Variants in USF2 observed in about 807,000 individuals in gnomAD.
USF2 encodes upstream stimulatory factor 2.
In USF2, 16 loss-of-function variants were observed where a neutral mutation model predicts 46.9. That is an observed-to-expected ratio of 0.34 (90% confidence interval 0.23 to 0.52). USF2 has a LOEUF of 0.52. Ranked by LOEUF, USF2 falls within the 20% of genes least tolerant of loss-of-function variation. The pLI is 0.96. For synonymous variants in USF2, 239 were observed against 194.1 expected (o/e 1.23, Z -1.92); for missense variants, 411 against 474.0 (o/e 0.87, Z 1.23).
chr19:35,272,612 C>T (rs2145574681), intron 7 of USF2, among the ~76,000 whole-genome samples: 1 of 152,178 alleles, frequency 6.6e-6, no homozygotes, highest in South Asian at 2.1e-4. Flanking sequence ...GCTGTCTGGG[C>T]TCCTGTGGTT....
intron 1 of USF2, 87 bp from the exon 2 acceptor site, chr19:35,269,359 G>C: frequency 8.9e-7 from 1 of 1,126,722 alleles, no homozygotes; most frequent in Non-Finnish European, 1.1e-6. Flanking sequence ...GCGCGGCCGG[G>C]TGGGACTGGG....
intron 7 of USF2, among the ~76,000 whole-genome samples, chr19:35,273,378 C>T (rs111674856): frequency 3.3e-4 from 51 of 152,294 alleles, no homozygotes; most frequent in African/African-American, 1.1e-3. Context: ...TTCCTTTCTC[C>T]TCCATCCTCT....
At chr19:35,270,269 C>A in intron 4 of USF2, 178 bp from the exon 5 acceptor site, 3 of 1,007,680 alleles carry the variant, frequency 3.0e-6, no homozygotes, top group Non-Finnish European at 4.2e-6. Context: ...AGCAAGTGAT[C>A]GCTGACCTCC....
chr19:35,279,488 C>T lies in USF2; in HGVS notation c.*232C>T. 2.0e-6 allele frequency: 1 copy of T among 510,268 alleles called. No individual in the cohort carries two copies. The highest frequency in any genetic ancestry group is 3.5e-5 in the East Asian group (1 of 28,940). The allele number at this position is 510,268 out of a possible 1,614,324, so 31.6% of individuals were successfully genotyped here. ...CCATCCGTCTGTCTGTCGCCCTTCT[C>T]CCGGCCCTCACTAAGCCCCGGCACT... On this transcript the variant is annotated 3_prime_UTR_variant, in exon 10 of 10. Transcript: ENST00000222305.
At chr19:35,276,328 G>A (rs563305611) in intron 7 of USF2, among the ~76,000 whole-genome samples, 2 of 152,240 alleles carry the variant, frequency 1.3e-5, no homozygotes, top group South Asian at 4.1e-4. Context: ...CTCCCAAAGT[G>A]CTGGGATTAC....
intron 3 of USF2, 32 bp from the exon 4 acceptor site, chr19:35,269,771 C>A: frequency 1.3e-6 from 2 of 1,488,432 alleles, no homozygotes; most frequent in Non-Finnish European, 1.8e-6. Flanking sequence ...CTGGCCCCAG[C>A]GCCGGCCTCG....
At position 35,269,880 on chromosome 19, in the gene USF2, G is replaced by C. The variant is rs2066122517; in HGVS notation, c.306G>C (p.Val102=). 1 of 1,413,076 alleles carries C rather than the reference G, an allele frequency of 7.1e-7. No individual in the cohort carries two copies. The highest frequency in any genetic ancestry group is 9.2e-7 in the Non-Finnish European group (1 of 1,092,044). The allele number at this position is 1,413,076 out of a possible 1,614,324, so 87.5% of individuals were successfully genotyped here. ...ACACAGCTGGCGCCGTCAGCGTCGT[G>C]TCCACCGCTGCCTTCGCGGGGGGGC... is the stretch of plus-strand genomic sequence containing the variant. The part of the protein sequence containing the change: ...QGDTAGAVSV[V]STAAFAGGQQ... Residue 102 remains valine, a synonymous_variant, in exon 4 of 10, where the codon GTG becomes GTC. Coordinates refer to ENST00000222305, the MANE Select transcript of USF2 (RefSeq NM_003367.4).
chr19:35,270,924 C>T lies in USF2; in HGVS notation c.668+119C>T, dbSNP rs796746983. 2.8e-6 allele frequency: 4 copies of T among 1,436,756 alleles called. No homozygotes were observed. The African/African-American group carries it at 5.7e-5, about 20-fold the overall frequency. 89.0% of individuals were successfully genotyped at this position (1,436,756 alleles called of 1,614,324 possible). On this transcript the variant is annotated intron_variant, in intron 6 of 9. Transcript: ENST00000222305. ...CATGGTGTAATGTTTTTTTTCTTTG[C>T]CTGTTTCTGCTGCTCTAGTGCACAT...
In USF2 at chr19:35,279,536, A is replaced by G. The variant is rs2066282329; in HGVS notation, c.*280A>G. The G allele has an allele frequency of 2.4e-6, 1 of 408,684 alleles. No homozygotes were observed. Among genetic ancestry groups the G allele is most frequent in the Admixed American group, 4.4e-5 (1 of 22,954 alleles). 25.3% of individuals were successfully genotyped at this position (408,684 alleles called of 1,614,324 possible). Reference sequence around the variant, plus strand: ...ACTTCTAGTGGTCTCACCTGGAGGCAAGAGGGAGGGGACAGAGGCCCTGCC... The same window carrying G: ...ACTTCTAGTGGTCTCACCTGGAGGCGAGAGGGAGGGGACAGAGGCCCTGCC... On this transcript the variant is annotated 3_prime_UTR_variant, in exon 10 of 10. Transcript: ENST00000222305.
At chr19:35,278,550 G>T in intron 7 of USF2, 148 bp from the exon 8 acceptor site, 1 of 775,074 alleles carries the variant, frequency 1.3e-6, no homozygotes, top group Non-Finnish European at 2.1e-6. Flanking sequence ...GCTGGGCTCA[G>T]GGTGCGGCCC....
At chr19:35,274,818 G>T (rs1599629965) in intron 7 of USF2, among the ~76,000 whole-genome samples, 1 of 152,188 alleles carries the variant, frequency 6.6e-6, no homozygotes, top group Admixed American at 6.5e-5. Context: ...AGGAAAGGTT[G>T]TGGGGGGCCC....
intron 7 of USF2, among the ~76,000 whole-genome samples, chr19:35,272,629 C>T (rs1306782817): frequency 6.6e-6 from 1 of 151,830 alleles, no homozygotes; most frequent in African/African-American, 2.4e-5. Context: ...GGTTTTATTC[C>T]AGGGTGATGA....
chr19:35,278,834 C>A, intron 8 of USF2, 42 bp downstream of exon 8: 2 of 1,612,228 alleles, frequency 1.2e-6, no homozygotes, highest in Non-Finnish European at 1.7e-6. Context: ...GGTCCCGGCC[C>A]CCGACCCTTG....
intron 7 of USF2, among the ~76,000 whole-genome samples, chr19:35,273,723 A>AT (rs143712222): frequency 0.024 from 3,562 of 151,530 alleles, 138 homozygotes; most frequent in East Asian, 0.15. Context: ...ACATGGGGTA[A>AT]TTTTTTTTTA....
intron 4 of USF2, 130 bp downstream of exon 4, chr19:35,270,133 T>C (rs1374143267): frequency 3.6e-6 from 4 of 1,104,336 alleles, no homozygotes; most frequent in Admixed American, 3.8e-5. Context: ...TCAGGCTGCA[T>C]GGGGCCAGAT....
In USF2 at chr19:35,278,685, C is replaced by T. The variant is rs759451571; in HGVS notation, c.728-13C>T. ...CGTCAGCGAAGCCGTGGCTGTGACT[C>T]TGTTTTCCGCAGTGGAGCGGAGGCG... On this transcript the variant is annotated splice_polypyrimidine_tract_variant and intron_variant, in intron 7 of 9. Transcript: ENST00000222305. 1.2e-6 allele frequency: 2 copies of T among 1,613,896 alleles called. No individual in the cohort carries two copies. Among genetic ancestry groups the T allele is most frequent in the African/African-American group, 2.7e-5 (2 of 74,924 alleles).
chr19:35,273,785 G>T (rs1434057083), intron 7 of USF2, among the ~76,000 whole-genome samples: 8 of 152,092 alleles, frequency 5.3e-5, no homozygotes, highest in Non-Finnish European at 1.5e-5. Context: ...TGAACTTCTG[G>T]CCTCAGGCAG....
At position 35,269,975 on chromosome 19, in the gene USF2, C is replaced by T. The variant is rs1410959742; in HGVS notation, c.401C>T (p.Pro134Leu). ...QRPGPAAASV[P>L]PGPAAPFPLA... ...CCGGGCCCCGCCGCTGCCTCTGTGC[C>T]CCCAGGTCCTGCAGCGCCCTTCCCG... is the stretch of plus-strand genomic sequence containing the variant. The change falls in exon 4 of 10, where the codon CCC becomes CTC. Residue 134 changes from proline to leucine, a missense_variant. Coordinates refer to ENST00000222305, the MANE Select transcript of USF2 (RefSeq NM_003367.4). 4 of 1,343,380 alleles carry T rather than the reference C, an allele frequency of 3.0e-6. No individual in the cohort carries two copies. The African/African-American group carries it at 6.2e-5, about 21-fold the overall frequency. The allele number at this position is 1,343,380 out of a possible 1,614,324, so 83.2% of individuals were successfully genotyped here.
intron 7 of USF2, among the ~76,000 whole-genome samples, chr19:35,274,483 C>T (rs1568459828): frequency 6.6e-6 from 1 of 152,178 alleles, no homozygotes; most frequent in Non-Finnish European, 1.5e-5. Context: ...GAGGGAGGTG[C>T]ACTTGGCATC....
Sources: gnomAD v4.1 joint callset for allele counts (sites outside exome capture counted in the v4.1 genomes callset) on GRCh38, gnomAD v4.1.1 for gene constraint, MANE v1.5 for transcripts, NCBI Gene and HGNC (gene_info 2026-07-23, HGNC 2026-07-21) for gene names.